The following ROBO1 variants were observed in gnomAD, a reference collection of about 807,000 sequenced individuals.
The protein encoded by ROBO1 is roundabout homolog 1.
ROBO1 carries 149 observed loss-of-function variants against 195.9 expected under a neutral mutation model. That is an observed-to-expected ratio of 0.76 (90% CI 0.67 to 0.87). The LOEUF is 0.87. Ranked by LOEUF, ROBO1 falls within the 40% of genes least tolerant of loss-of-function variation. ROBO1 has a pLI of 0.00. For synonymous variants in ROBO1, 816 were observed against 733.2 expected (o/e 1.11, Z -1.82); for missense variants, 1,933 against 2,068.3 (o/e 0.93, Z 1.27).
At chr3:79,440,340 C>T (rs2039012389) in intron 2 of ROBO1, among the ~76,000 whole-genome samples, 1 of 152,070 alleles carries the variant, frequency 6.6e-6, no homozygotes, top group Non-Finnish European at 1.5e-5. Flanking sequence ...GCCACTTACC[C>T]GTCATACCAA....
chr3:79,653,544 A>C (rs1454281800), intron 1 of ROBO1, among the ~76,000 whole-genome samples: 2 of 152,056 alleles, frequency 1.3e-5, no homozygotes, highest in Non-Finnish European at 2.9e-5. Flanking sequence ...ATATGAAAGA[A>C]ATATTTTTCA....
At chr3:79,055,842 G>A (rs1482768424) in intron 3 of ROBO1, among the ~76,000 whole-genome samples, 2 of 152,032 alleles carry the variant, frequency 1.3e-5, no homozygotes, top group African/African-American at 4.8e-5. Context: ...ATGAAAATCT[G>A]ACACACCCAT....
chr3:79,404,242 T>C (rs1028186014), intron 2 of ROBO1, among the ~76,000 whole-genome samples: 2 of 152,090 alleles, frequency 1.3e-5, no homozygotes, highest in Non-Finnish European at 2.9e-5. Flanking sequence ...GGAATGTATA[T>C]GATCAACAAA....
chr3:79,333,488 T>C (rs915295537), intron 2 of ROBO1, among the ~76,000 whole-genome samples: 2 of 151,996 alleles, frequency 1.3e-5, no homozygotes, highest in African/African-American at 2.4e-5. Flanking sequence ...ATCACACATA[T>C]CCTTATCAAT....
chr3:79,203,062 A>T (rs779475735), intron 2 of ROBO1, among the ~76,000 whole-genome samples: 56 of 152,124 alleles, frequency 3.7e-4, no homozygotes, highest in Non-Finnish European at 6.9e-4. Context: ...TGTTGCAAGG[A>T]TTAATAAATT....
chr3:79,365,357 G>A (rs541994062), intron 2 of ROBO1, among the ~76,000 whole-genome samples: 38 of 152,208 alleles, frequency 2.5e-4, no homozygotes, highest in Non-Finnish European at 4.3e-4. Flanking sequence ...CGTCATGTCA[G>A]CAAGCTTAAC....
intron 2 of ROBO1, among the ~76,000 whole-genome samples, chr3:79,585,182 A>T (rs1372419806): frequency 6.6e-6 from 1 of 151,922 alleles, no homozygotes; most frequent in African/African-American, 2.4e-5. Context: ...AAGTCATAAT[A>T]CAGCCATGGT....
At chr3:78,900,176 T>G (rs1015478165) in intron 4 of ROBO1, among the ~76,000 whole-genome samples, 5 of 152,192 alleles carry the variant, frequency 3.3e-5, no homozygotes, top group Non-Finnish European at 5.9e-5. Context: ...TAACTGCACT[T>G]TTCTAAGATA....
rs532417613 is a variant in ROBO1, at chr3:79,303,902, A to T, written c.89-178363T>A. On this transcript the variant is annotated intron_variant, in intron 2 of 30. Coordinates refer to ENST00000464233, the MANE Select transcript of ROBO1 (RefSeq NM_002941.4). ...CAGTTCTTGGTCAAAGCATAGTTTA[A>T]TGTAATTCTGAATGTTAGGGATAGG... 1.9e-4 allele frequency among the ~76,000 whole-genome samples: 29 copies of T among 152,226 alleles called. No individual in the cohort carries two copies. The South Asian group carries it at 6.0e-3, about 32-fold the overall frequency.
intron 25 of ROBO1, among the ~76,000 whole-genome samples, chr3:78,627,954 C>CTT (rs11445603): frequency 0.011 from 1,561 of 143,394 alleles, 35 homozygotes; most frequent in East Asian, 0.045. Context: ...AAAAATTACT[C>CTT]TTTTTTTTTT....
At chr3:79,508,953 A>G (rs1940554459) in intron 2 of ROBO1, among the ~76,000 whole-genome samples, 1 of 152,210 alleles carries the variant, frequency 6.6e-6, no homozygotes, top group Admixed American at 6.5e-5. Context: ...TAAGTCTTAT[A>G]GAAATAACAC....
intron 8 of ROBO1, among the ~76,000 whole-genome samples, chr3:78,695,643 A>T: frequency 7.5e-6 from 1 of 133,260 alleles, no homozygotes; most frequent in African/African-American, 2.8e-5. Context: ...AAAAAAAAAA[A>T]GAAAAGAAAA....
chr3:79,645,898 T>C (rs1055727817), intron 1 of ROBO1, among the ~76,000 whole-genome samples: 2 of 152,006 alleles, frequency 1.3e-5, no homozygotes, highest in Admixed American at 6.6e-5. Context: ...TAAAACTAGA[T>C]CCCTATCTCA....
intron 4 of ROBO1, among the ~76,000 whole-genome samples, chr3:78,904,588 A>G (rs1266150581): frequency 6.6e-6 from 1 of 151,706 alleles, no homozygotes; most frequent in Non-Finnish European, 1.5e-5. Flanking sequence ...TCAGAATTCC[A>G]TGCTCTCAGT....
chr3:78,597,966 A>AAGAG lies in ROBO1; in HGVS notation c.*943_*946dup, dbSNP rs1019936434. On this transcript the variant is annotated 3_prime_UTR_variant, in exon 31 of 31. Transcript: ENST00000464233. ...TTTTAAAACCAAAAAAAAAAAAAAA[A>AAGAG]AGAGAGAGAGATTAAAAACAGTGCA... 3.3e-5 allele frequency: 5 copies of AAGAG among 150,912 alleles called. No individual in the cohort carries two copies. Among genetic ancestry groups the AAGAG allele is most frequent in the Non-Finnish European group, 7.4e-5 (5 of 67,700 alleles). 9.3% of individuals were successfully genotyped at this position (150,912 alleles called of 1,614,324 possible).
At chr3:78,775,194 A>G (rs188718846) in intron 4 of ROBO1, among the ~76,000 whole-genome samples, 5 of 152,298 alleles carry the variant, frequency 3.3e-5, no homozygotes, top group Admixed American at 2.6e-4. Flanking sequence ...GGCCAGCTCA[A>G]TGTAATAGGA....
chr3:79,052,744 C>T (rs1316950129), intron 3 of ROBO1, among the ~76,000 whole-genome samples: 7 of 152,246 alleles, frequency 4.6e-5, no homozygotes, highest in Middle Eastern at 3.4e-3. Context: ...GTTCCCCTGA[C>T]ATCTGGCACC....
intron 2 of ROBO1, among the ~76,000 whole-genome samples, chr3:79,133,805 C>A (rs1397306170): frequency 7.3e-6 from 1 of 137,770 alleles, no homozygotes; most frequent in African/African-American, 2.8e-5. Context: ...TTTTCCCCAT[C>A]TTTGTGGTTT....
At chr3:78,971,648 C>T (rs1006485693) in intron 3 of ROBO1, among the ~76,000 whole-genome samples, 9 of 152,124 alleles carry the variant, frequency 5.9e-5, no homozygotes, top group African/African-American at 2.2e-4. Flanking sequence ...AAAACCAAAA[C>T]GTTTAGAGAT....
Sources: gnomAD v4.1 joint callset for allele counts (sites outside exome capture counted in the v4.1 genomes callset) on GRCh38, gnomAD v4.1.1 for gene constraint, MANE v1.5 for transcripts, NCBI Gene and HGNC (gene_info 2026-07-23, HGNC 2026-07-21) for gene names.